TMEM178B: variants seen among roughly 807,000 people sequenced by gnomAD.
TMEM178B encodes the protein transmembrane protein 178B.
TMEM178B carries 5 observed loss-of-function variants against 31.0 expected under a neutral mutation model. That is an observed-to-expected ratio of 0.16 (90% CI 0.08 to 0.34). The LOEUF (loss-of-function observed/expected upper bound fraction) is 0.34, where lower values mean the gene tolerates loss of function less well. Ranked by LOEUF, TMEM178B falls within the 10% of genes least tolerant of loss-of-function variation. The pLI is 1.00. For synonymous variants in TMEM178B, 164 were observed against 164.0 expected, an observed-to-expected ratio of 1.00 and a Z score of 0.00; for missense variants, 275 against 400.3, an observed-to-expected ratio of 0.69 and a Z score of 2.67.
intron 2 of TMEM178B, 21 bp downstream of exon 2, chr7:141,212,725 G>A (rs1343094212): frequency 6.6e-7 from 1 of 1,524,170 alleles, no homozygotes; most frequent in Non-Finnish European, 8.8e-7. Flanking sequence ...CTGAGTCTCA[G>A]TGGCTGTGAC....
intron 1 of TMEM178B, among the ~76,000 whole-genome samples, chr7:141,211,120 A>T (rs1272231832): frequency 6.6e-6 from 1 of 152,064 alleles, no homozygotes; most frequent in Admixed American, 6.6e-5. Context: ...CAAGTTAAGG[A>T]AGGAGGATGA....
Position 141,272,618 on chromosome 7 carries a change from T to C in TMEM178B, c.496+59914T>C, listed in dbSNP as rs534575501. On this transcript the variant is annotated intron_variant, in intron 2 of 3. Coordinates refer to ENST00000565468, the MANE Select transcript of TMEM178B (RefSeq NM_001195278.2). ...GAGCCCCAGTGCTGGGAATTATATC[T>C]GTAGGCACAACCTCTTTCCTGCCCA... Among the ~76,000 whole-genome samples, 84 of 152,328 alleles carry C rather than the reference T, an allele frequency of 5.5e-4. 1 individual carries two copies. In the South Asian group the frequency reaches 0.017, roughly 31 times the overall value.
intron 1 of TMEM178B, among the ~76,000 whole-genome samples, chr7:141,086,854 A>AT (rs1248684191): frequency 1.3e-5 from 2 of 151,972 alleles, no homozygotes; most frequent in Non-Finnish European, 2.9e-5. Context: ...CGCCCAGCTG[A>AT]TTTTTATATT....
At chr7:141,154,006 A>G (rs555504016) in intron 1 of TMEM178B, among the ~76,000 whole-genome samples, 1 of 152,324 alleles carries the variant, frequency 6.6e-6, no homozygotes, top group East Asian at 1.9e-4. Flanking sequence ...TGAAGTCTTG[A>G]TGAATATTTA....
chr7:141,244,248 G>T (rs139669178), intron 2 of TMEM178B, among the ~76,000 whole-genome samples: 1 of 152,224 alleles, frequency 6.6e-6, no homozygotes, highest in African/African-American at 2.4e-5. Context: ...CATAACTGAC[G>T]GTGTAAAACG....
intron 1 of TMEM178B, among the ~76,000 whole-genome samples, chr7:141,206,952 C>T (rs1563117526): frequency 6.6e-6 from 1 of 152,208 alleles, no homozygotes; most frequent in Non-Finnish European, 1.5e-5. Flanking sequence ...TCCCACTCTC[C>T]AGCCCCTGGC....
intron 2 of TMEM178B, among the ~76,000 whole-genome samples, chr7:141,314,159 A>G (rs888647639): frequency 6.6e-6 from 1 of 152,148 alleles, no homozygotes; most frequent in South Asian, 2.1e-4. Flanking sequence ...TTCTTCTCTC[A>G]TCTCTCTCCT....
chr7:141,241,299 T>C (rs1427150969), intron 2 of TMEM178B, among the ~76,000 whole-genome samples: 1 of 152,020 alleles, frequency 6.6e-6, no homozygotes, highest in Non-Finnish European at 1.5e-5. Flanking sequence ...ATTTAGAATT[T>C]ATCAGGTTCT....
intron 1 of TMEM178B, among the ~76,000 whole-genome samples, chr7:141,206,835 G>A (rs375850333): frequency 6.6e-6 from 1 of 152,130 alleles, no homozygotes; most frequent in African/African-American, 2.4e-5. Context: ...ACAGATTTTC[G>A]AGTGTATAAT....
chr7:141,151,852 C>T (rs2129180568), intron 1 of TMEM178B, among the ~76,000 whole-genome samples: 1 of 152,272 alleles, frequency 6.6e-6, no homozygotes, highest in Admixed American at 6.5e-5. Flanking sequence ...GGGGGTGCCC[C>T]TCACCTCTCA....
intron 3 of TMEM178B, among the ~76,000 whole-genome samples, chr7:141,458,372 T>A (rs1408853330): frequency 6.6e-6 from 1 of 152,164 alleles, no homozygotes; most frequent in Non-Finnish European, 1.5e-5. Flanking sequence ...GTACCCCCAC[T>A]GGAGGCTGTA....
At chr7:141,107,262 T>C (rs1361648219) in intron 1 of TMEM178B, among the ~76,000 whole-genome samples, 1 of 152,166 alleles carries the variant, frequency 6.6e-6, no homozygotes, top group Non-Finnish European at 1.5e-5. Flanking sequence ...AGGTCCTGGC[T>C]TTTACTCTGA....
At chr7:141,280,541 T>C (rs1254192850) in intron 2 of TMEM178B, among the ~76,000 whole-genome samples, 2 of 152,160 alleles carry the variant, frequency 1.3e-5, no homozygotes, top group Non-Finnish European at 2.9e-5. Flanking sequence ...TCCAGCATGA[T>C]TGTGAGGCCT....
intron 2 of TMEM178B, among the ~76,000 whole-genome samples, chr7:141,310,736 G>A (rs1188091816): frequency 6.6e-6 from 1 of 152,238 alleles, no homozygotes; most frequent in Non-Finnish European, 1.5e-5. Context: ...GTGGAAGGCA[G>A]TGTAGCAATT....
chr7:141,224,638 T>C (rs1031030627), intron 2 of TMEM178B, among the ~76,000 whole-genome samples: 1 of 152,126 alleles, frequency 6.6e-6, no homozygotes, highest in East Asian at 1.9e-4. Flanking sequence ...GATCTCAACA[T>C]TTACCCAAGC....
At chr7:141,394,017 C>T (rs1454280959) in intron 2 of TMEM178B, among the ~76,000 whole-genome samples, 1 of 151,986 alleles carries the variant, frequency 6.6e-6, no homozygotes, top group Non-Finnish European at 1.5e-5. Flanking sequence ...AAGGGAAACT[C>T]CTCTTTTTTT....
At position 141,344,574 on chromosome 7, in the gene TMEM178B, C is replaced by CCCTTCCTTCCTTCCTTCCTT. The variant is rs34831263; in HGVS notation, c.497-92998_497-92979dup. 2.0e-3 allele frequency among the ~76,000 whole-genome samples: 278 copies of CCCTTCCTTCCTTCCTTCCTT among 137,304 alleles called. No homozygotes were observed. Among genetic ancestry groups the CCCTTCCTTCCTTCCTTCCTT allele is most frequent in the South Asian group, 2.5e-3 (9 of 3,648 alleles). The allele number at this position is 137,304 out of a possible 152,430, so 90.1% of individuals were successfully genotyped here. A position where few individuals can be genotyped will look rare whatever the true frequency, so the allele number is the denominator to read the frequency against. Reference sequence around the variant, plus strand: ...CTCCCTCCCTCCATTCCTCCCTCCTCCCTTCCTTCCTTCCTTCCTTCCTTC... The same window carrying CCCTTCCTTCCTTCCTTCCTT: ...CTCCCTCCCTCCATTCCTCCCTCCTCCCTTCCTTCCTTCCTTCCTTCCTTCCTTCCTTCCTTCCTTCCTTC... On this transcript the variant is annotated intron_variant, in intron 2 of 3. Coordinates refer to ENST00000565468, the MANE Select transcript of TMEM178B (RefSeq NM_001195278.2). The surrounding 1 kb of genome is among the most constrained non-coding windows in gnomAD (Gnocchi z 4.1).
At chr7:141,215,937 G>T (rs1797137137) in intron 2 of TMEM178B, among the ~76,000 whole-genome samples, 2 of 111,698 alleles carry the variant, frequency 1.8e-5, no homozygotes, top group South Asian at 2.8e-4. Flanking sequence ...ACAGAGTCTT[G>T]TTCTGTTGCC....
intron 2 of TMEM178B, among the ~76,000 whole-genome samples, chr7:141,240,464 A>G (rs767766257): frequency 3.3e-5 from 5 of 152,218 alleles, no homozygotes; most frequent in Non-Finnish European, 7.3e-5. Context: ...AGGCTGCAAA[A>G]GTAGAATATT....
Sources: gnomAD v4.1 joint callset for allele counts (sites outside exome capture counted in the v4.1 genomes callset) on GRCh38, gnomAD v4.1.1 for gene constraint, Gnocchi (gnomAD v3.1) non-coding constraint, MANE v1.5 for transcripts, NCBI Gene and HGNC (gene_info 2026-07-23, HGNC 2026-07-21) for gene names.